The following IL1RAPL2 variants were observed in gnomAD, a reference collection of about 807,000 sequenced individuals.
IL1RAPL2 encodes X-linked interleukin-1 receptor accessory protein-like 2.
In IL1RAPL2, 3 loss-of-function variants were observed where a neutral mutation model predicts 44.1. That is an observed-to-expected ratio of 0.07 (90% confidence interval 0.03 to 0.18). The LOEUF is 0.18. IL1RAPL2 is among the 10% of genes least tolerant of loss of function. The probability of loss-of-function intolerance (pLI) is 1.00; values close to 1 mark genes in which losing one functional copy is unlikely to be tolerated. For missense variants in IL1RAPL2, 391 were observed against 496.4 expected, an observed-to-expected ratio of 0.79 and a Z score of 2.02; for synonymous variants, 181 against 178.8, an observed-to-expected ratio of 1.01 and a Z score of -0.10.
intron 2 of IL1RAPL2, among the ~76,000 whole-genome samples, chrX:104,707,267 C>A (rs1209788507): frequency 9.0e-6 from 1 of 111,570 alleles, no homozygotes; most frequent in Non-Finnish European, 1.9e-5. Flanking sequence ...TTTTAGCCTA[C>A]TCTTTTGGGT....
intron 2 of IL1RAPL2, among the ~76,000 whole-genome samples, chrX:105,130,781 A>G (rs952077343): frequency 2.7e-5 from 3 of 111,157 alleles, no homozygotes; most frequent in African/African-American, 9.8e-5. Flanking sequence ...GATCTCTAGT[A>G]GCCTACCACT....
At chrX:104,610,588 T>C (rs770206683) in intron 1 of IL1RAPL2, among the ~76,000 whole-genome samples, 1 of 111,767 alleles carries the variant, frequency 8.9e-6, no homozygotes, top group South Asian at 3.8e-4. Flanking sequence ...GAAGGACCTC[T>C]TGAAGGAGAA....
At chrX:105,222,540 G>T (rs931096556) in intron 3 of IL1RAPL2, among the ~76,000 whole-genome samples, 4 of 112,113 alleles carry the variant, frequency 3.6e-5, no homozygotes, top group Non-Finnish European at 5.6e-5. Context: ...TACAGAAAGA[G>T]CATCCAGAAG....
chrX:105,335,358 G>A (rs1381756291), intron 5 of IL1RAPL2, among the ~76,000 whole-genome samples: 1 of 111,325 alleles, frequency 9.0e-6, no homozygotes, highest in Non-Finnish European at 1.9e-5. Context: ...AGTGCTAACT[G>A]GTGCCATAAT....
At chrX:105,466,320 A>C (rs1400504120) in intron 5 of IL1RAPL2, among the ~76,000 whole-genome samples, 1 of 111,121 alleles carries the variant, frequency 9.0e-6, no homozygotes, top group Non-Finnish European at 1.9e-5. Flanking sequence ...TTTAGCATAA[A>C]TGAATATTAT....
chrX:105,693,329 G>A (rs945392165), intron 6 of IL1RAPL2, among the ~76,000 whole-genome samples: 1 of 111,602 alleles, frequency 9.0e-6, no homozygotes, highest in East Asian at 2.8e-4. Flanking sequence ...TGGGTCATGG[G>A]GGCGAATCCC....
At chrX:104,660,146 ACT>A (rs1452643216) in intron 2 of IL1RAPL2, among the ~76,000 whole-genome samples, 1 of 110,397 alleles carries the variant, frequency 9.1e-6, no homozygotes, top group Non-Finnish European at 1.9e-5. Flanking sequence ...GTATGTTGTG[ACT>A]CTCTTTCAGC....
intron 2 of IL1RAPL2, among the ~76,000 whole-genome samples, chrX:104,844,285 T>C (rs1413009001): frequency 9.0e-6 from 1 of 111,641 alleles, no homozygotes; most frequent in East Asian, 2.8e-4. Flanking sequence ...AGCAGCAACC[T>C]AGGATAATCA....
intron 5 of IL1RAPL2, among the ~76,000 whole-genome samples, chrX:105,427,645 G>A (rs953910657): frequency 1.2e-4 from 13 of 111,985 alleles, no homozygotes; most frequent in Non-Finnish European, 2.4e-4. Context: ...ATCTGAAAGC[G>A]TATTGATGCC....
chrX:105,695,963 G>A (rs1218389587), intron 6 of IL1RAPL2, among the ~76,000 whole-genome samples: 2 of 111,977 alleles, frequency 1.8e-5, no homozygotes, highest in Non-Finnish European at 3.8e-5. Context: ...CTAAGGCCAG[G>A]AGGACAGTTA....
At chrX:105,258,486 AG>A (rs1470700593) in intron 4 of IL1RAPL2, among the ~76,000 whole-genome samples, 1 of 112,023 alleles carries the variant, frequency 8.9e-6, no homozygotes, top group African/African-American at 3.2e-5. Flanking sequence ...TCTTTAGCAA[AG>A]TTGGGGAAGT....
intron 2 of IL1RAPL2, among the ~76,000 whole-genome samples, chrX:104,721,320 G>A (rs760907072): frequency 5.4e-5 from 6 of 111,346 alleles, no homozygotes; most frequent in Admixed American, 9.5e-5. Flanking sequence ...AAGGCATGGT[G>A]CATATACACC....
intron 2 of IL1RAPL2, among the ~76,000 whole-genome samples, chrX:105,043,459 C>A (rs757906042): frequency 5.5e-5 from 6 of 109,520 alleles, no homozygotes; most frequent in African/African-American, 1.7e-4. Context: ...TCTCCAACCC[C>A]CAACTCCCAA....
intron 6 of IL1RAPL2, among the ~76,000 whole-genome samples, chrX:105,630,402 T>G (rs895876759): frequency 9.0e-6 from 1 of 111,107 alleles, no homozygotes; most frequent in African/African-American, 3.3e-5. Context: ...GATGCAGAAG[T>G]GAGGCTCCAA....
chrX:104,635,749 T>A (rs184255088), intron 1 of IL1RAPL2, among the ~76,000 whole-genome samples: 1 of 111,765 alleles, frequency 8.9e-6, no homozygotes, highest in Non-Finnish European at 1.9e-5. Context: ...TTCATCTAAG[T>A]TTTTTTCAAG....
chrX:105,282,884 T>C (rs190996576), intron 5 of IL1RAPL2, among the ~76,000 whole-genome samples: 2 of 112,041 alleles, frequency 1.8e-5, no homozygotes, highest in East Asian at 5.6e-4. Context: ...TAATTTTTTA[T>C]GATAAAAGGC....
chrX:105,549,897 C>T (rs1360906789), intron 6 of IL1RAPL2, among the ~76,000 whole-genome samples: 3 of 111,985 alleles, frequency 2.7e-5, no homozygotes, highest in Non-Finnish European at 5.6e-5. Context: ...TTTATTAAAT[C>T]TTTCTTCATA....
At chrX:105,447,632 TATATAAATATAA>T (rs1184639438) in intron 5 of IL1RAPL2, among the ~76,000 whole-genome samples, 15 of 79,432 alleles carry the variant, frequency 1.9e-4, no homozygotes, top group Non-Finnish European at 2.6e-4. Flanking sequence ...AATATATATT[TATATAAATATAA>T]ATATAAATAT....
intron 2 of IL1RAPL2, among the ~76,000 whole-genome samples, chrX:104,704,168 CTGTTA>C (rs1322638466): frequency 6.9e-4 from 77 of 112,035 alleles, no homozygotes; most frequent in African/African-American, 2.4e-3. Flanking sequence ...CGTGTTTTCT[CTGTTA>C]TATTTTCCTA....
Sources: allele counts gnomAD v4.1 joint callset (sites outside exome capture counted in the v4.1 genomes callset), GRCh38; gene constraint gnomAD v4.1.1; transcripts MANE v1.5; gene names NCBI Gene and HGNC (gene_info 2026-07-23, HGNC 2026-07-21).